Variants in MGLL observed in about 807,000 individuals in gnomAD.
MGLL encodes lysophospholipase homolog.
In MGLL, 7 loss-of-function variants were observed where a neutral mutation model predicts 29.1. The ratio of observed to expected loss-of-function variants is 0.24; its 90% CI spans 0.14 to 0.45. MGLL has a LOEUF of 0.45. Among genes scored for constraint, MGLL ranks in the 20% least tolerant of loss-of-function variants. MGLL has a pLI of 0.99. For missense variants in MGLL, 356 were observed against 413.6 expected, an observed-to-expected ratio of 0.86 and a Z score of 1.21; for synonymous variants, 148 against 168.3, an observed-to-expected ratio of 0.88 and a Z score of 0.93.
At chr3:127,715,647 T>A (rs1559917725) in intron 5 of MGLL, 3 of 456,200 alleles carry the variant, frequency 6.6e-6, no homozygotes, top group Non-Finnish European at 1.3e-5. Flanking sequence ...GGGTTGATTG[T>A]GCATGAAGGA....
chr3:127,775,848 C>T (rs913914956), intron 3 of MGLL, among the ~76,000 whole-genome samples: 7 of 152,180 alleles, frequency 4.6e-5, no homozygotes, highest in African/African-American at 1.7e-4. Context: ...CACCGTCTCT[C>T]GCAGCAGCGC....
At chr3:127,701,215 C>CAAAAAAAAAAAAAAA (rs60128956) in intron 6 of MGLL, among the ~76,000 whole-genome samples, 12 of 56,416 alleles carry the variant, frequency 2.1e-4, no homozygotes, top group South Asian at 8.3e-4. Flanking sequence ...ACCCTGCCTC[C>CAAAAAAAAAAAAAAA]AAAAAAAAAA....
At chr3:127,748,179 A>G (rs1037435485) in intron 3 of MGLL, among the ~76,000 whole-genome samples, 1 of 151,978 alleles carries the variant, frequency 6.6e-6, no homozygotes, top group Non-Finnish European at 1.5e-5. Flanking sequence ...CTGGTTTAAT[A>G]TTTTTCCATA....
At position 127,807,976 on chromosome 3, in the gene MGLL, G is replaced by T. The variant is rs575805428; in HGVS notation, c.155+13718C>A. Among the ~76,000 whole-genome samples, 6 of 151,946 alleles carry T rather than the reference G, an allele frequency of 3.9e-5. No homozygotes were observed. The East Asian group carries it at 1.2e-3, about 29-fold the overall frequency. ...GCGATTTCACCATGTTAGTCAGGAT[G>T]GTCTCGATCTCCTGACCTCGTGATC... On this transcript the variant is annotated intron_variant, in intron 2 of 7. Coordinates refer to ENST00000265052, the MANE Select transcript of MGLL (RefSeq NM_007283.7).
intron 2 of MGLL, among the ~76,000 whole-genome samples, chr3:127,806,881 G>C (rs1204391378): frequency 6.6e-6 from 1 of 152,130 alleles, no homozygotes; most frequent in East Asian, 1.9e-4. Context: ...ACAAAAATTA[G>C]CCAGATTCAG....
intron 2 of MGLL, among the ~76,000 whole-genome samples, chr3:127,787,636 G>T (rs1034186277): frequency 6.6e-6 from 1 of 152,238 alleles, no homozygotes; most frequent in East Asian, 1.9e-4. Flanking sequence ...CTGGGTGAGG[G>T]GAGCCTCGGG....
intron 2 of MGLL, 29 bp downstream of exon 2, chr3:127,821,665 C>T: frequency 6.2e-7 from 1 of 1,613,318 alleles, no homozygotes; most frequent in East Asian, 2.2e-5. Context: ...TCCCCTGTCA[C>T]CTGGGGTGAC....
chr3:127,726,125 A>C (rs1446996162), intron 3 of MGLL, among the ~76,000 whole-genome samples: 1 of 24,302 alleles, frequency 4.1e-5, no homozygotes, highest in African/African-American at 1.5e-4. Context: ...AGCAGGAAAG[A>C]AAGAAAGAAA....
chr3:127,811,892 G>A (rs931713216), intron 2 of MGLL, among the ~76,000 whole-genome samples: 5 of 152,346 alleles, frequency 3.3e-5, no homozygotes, highest in African/African-American at 1.2e-4. Flanking sequence ...ACATGCAGGA[G>A]CCCAGCTGGG....
intron 2 of MGLL, among the ~76,000 whole-genome samples, chr3:127,805,142 A>T (rs2077543615): frequency 6.6e-6 from 1 of 152,168 alleles, no homozygotes; most frequent in South Asian, 2.1e-4. Context: ...CTTCTATAAG[A>T]ATGTGCTGGG....
chr3:127,746,594 T>C lies in MGLL; in HGVS notation c.263-24028A>G, dbSNP rs146191108. Among the ~76,000 whole-genome samples the C allele has an allele frequency of 3.5e-4, 54 of 152,270 alleles. 1 individual carries two copies. In the East Asian group the frequency reaches 9.6e-3, roughly 27 times the overall value. On this transcript the variant is annotated intron_variant, in intron 3 of 7. Transcript: ENST00000265052. ...TCCCACCTGTCTGGAACCAGTTATG[T>C]TCCCCTCCCAACCTGGACCTCTAGC...
intron 3 of MGLL, among the ~76,000 whole-genome samples, chr3:127,772,413 C>G (rs895865413): frequency 7.2e-5 from 11 of 152,228 alleles, no homozygotes; most frequent in African/African-American, 2.7e-4. Context: ...CAAGGCCACA[C>G]AGCAAATTAG....
At chr3:127,750,231 C>T (rs936962152) in intron 3 of MGLL, among the ~76,000 whole-genome samples, 1 of 152,016 alleles carries the variant, frequency 6.6e-6, no homozygotes, top group African/African-American at 2.4e-5. Context: ...ATCAGGGCAC[C>T]GTTTCTTCTG....
chr3:127,796,659 A>G (rs1407010379), intron 2 of MGLL, among the ~76,000 whole-genome samples: 1 of 152,214 alleles, frequency 6.6e-6, no homozygotes, highest in African/African-American at 2.4e-5. Flanking sequence ...GATGTACTGC[A>G]GCCAACGGTG....
intron 2 of MGLL, among the ~76,000 whole-genome samples, chr3:127,819,564 A>AG (rs2077820629): frequency 6.6e-6 from 1 of 151,898 alleles, no homozygotes; most frequent in African/African-American, 2.4e-5. Flanking sequence ...CCTAACTGGG[A>AG]GGAGACAGGA....
At chr3:127,801,817 ATATT>A (rs1345468753) in intron 2 of MGLL, among the ~76,000 whole-genome samples, 1 of 148,160 alleles carries the variant, frequency 6.7e-6, no homozygotes, top group Non-Finnish European at 1.5e-5. Flanking sequence ...ATAATATAAA[ATATT>A]TATATATATA....
intron 3 of MGLL, among the ~76,000 whole-genome samples, chr3:127,750,334 G>A (rs149293742): frequency 2.6e-5 from 4 of 152,256 alleles, no homozygotes; most frequent in Non-Finnish European, 4.4e-5. Context: ...TTTTGCTCCC[G>A]GCTCACTGGG....
chr3:127,748,968 T>C (rs1559943053), intron 3 of MGLL, among the ~76,000 whole-genome samples: 1 of 152,174 alleles, frequency 6.6e-6, no homozygotes, highest in African/African-American at 2.4e-5. Context: ...TTCAAAACCC[T>C]TGTAGATAGC....
chr3:127,735,830 G>A (rs752208091), intron 3 of MGLL: 1 of 1,598,106 alleles, frequency 6.3e-7, no homozygotes, highest in Non-Finnish European at 8.5e-7. Context: ...ATCCTTCCAG[G>A]GGAAGATCCT....
Sources: allele counts gnomAD v4.1 joint callset (sites outside exome capture counted in the v4.1 genomes callset), GRCh38; gene constraint gnomAD v4.1.1; transcripts MANE v1.5; gene names NCBI Gene and HGNC (gene_info 2026-07-23, HGNC 2026-07-21).